RIMS1: variants seen among roughly 807,000 people sequenced by gnomAD.
RIMS1 encodes regulating synaptic membrane exocytosis protein 1.
A neutral mutation model predicts 214.1 loss-of-function variants in RIMS1; 83 were observed. The ratio of observed to expected loss-of-function variants is 0.39; its 90% CI spans 0.32 to 0.47. The LOEUF is 0.47. RIMS1 is among the 20% of genes least tolerant of loss of function. The pLI, the probability that RIMS1 is intolerant of heterozygous loss-of-function variation, is 0.99. For missense variants in RIMS1, 2,050 were observed against 2,161.8 expected (o/e 0.95, Z 1.03); for synonymous variants, 793 against 786.8 (o/e 1.01, Z -0.13).
rs558062959 is a variant in RIMS1 at position 72,347,795 on chromosome 6, C to G, written c.4366+13960C>G. 5.9e-5 allele frequency among the ~76,000 whole-genome samples: 9 copies of G among 151,994 alleles called. No individual in the cohort carries two copies. In the South Asian group the frequency reaches 1.7e-3, roughly 28 times the overall value. On this transcript the variant is annotated intron_variant, in intron 29 of 33. Coordinates refer to ENST00000521978, the MANE Select transcript of RIMS1 (RefSeq NM_014989.7). Reference sequence around the variant, plus strand: ...CAAAATCTTTCTCTTCATTCAAGCCCTACCCAAATATCAACTTCCTACCAG... The same window carrying G: ...CAAAATCTTTCTCTTCATTCAAGCCGTACCCAAATATCAACTTCCTACCAG...
intron 24 of RIMS1, among the ~76,000 whole-genome samples, chr6:72,289,180 G>A (rs186010618): frequency 4.9e-4 from 75 of 152,268 alleles, no homozygotes; most frequent in African/African-American, 1.6e-3. Context: ...TGTAATATCC[G>A]TGAAATTTCT....
chr6:71,938,813 A>G (rs1035668577), intron 1 of RIMS1, among the ~76,000 whole-genome samples: 2 of 152,086 alleles, frequency 1.3e-5, no homozygotes, highest in Non-Finnish European at 2.9e-5. Flanking sequence ...GCTTCCTTTT[A>G]TCTATACTTA....
chr6:72,347,943 C>G (rs1041992906), intron 29 of RIMS1, among the ~76,000 whole-genome samples: 2 of 151,938 alleles, frequency 1.3e-5, no homozygotes, highest in African/African-American at 4.8e-5. Context: ...AATGACCACG[C>G]AACAGGTTTT....
intron 2 of RIMS1, among the ~76,000 whole-genome samples, chr6:72,015,431 C>G (rs1476573362): frequency 3.3e-5 from 5 of 152,118 alleles, no homozygotes; most frequent in African/African-American, 1.2e-4. Flanking sequence ...TTATTTGTGG[C>G]CTGCTTAGAA....
chr6:72,164,708 A>G lies in RIMS1; in HGVS notation c.472-14867A>G, dbSNP rs539215232. ...ATATACCATAGATTATGTGGCTTGA[A>G]AAACAAACATGTCTCTCTCACAGGT... On this transcript the variant is annotated intron_variant, in intron 4 of 33. Coordinates refer to ENST00000521978, the MANE Select transcript of RIMS1 (RefSeq NM_014989.7). 4.8e-3 allele frequency among the ~76,000 whole-genome samples: 724 copies of G among 152,332 alleles called. 12 individuals carry two copies. Among genetic ancestry groups the G allele is most frequent in the African/African-American group, 0.016 (679 of 41,574 alleles).
In RIMS1 at chr6:72,123,252, G is replaced by T. The variant is rs376395022; in HGVS notation, c.471+23266G>T. On this transcript the variant is annotated intron_variant, in intron 4 of 33. Transcript: ENST00000521978. The stretch of plus-strand genomic sequence containing the variant: ...TTACCCAGTAATCATTCAGGAGCAG[G>T]TTGTTCAATTTCCATGTAGTTGAGC... 1.3e-4 allele frequency among the ~76,000 whole-genome samples: 19 copies of T among 151,924 alleles called. No homozygotes were observed. In the East Asian group the frequency reaches 2.3e-3, roughly 19 times the overall value.
chr6:72,000,846 C>T (rs1313331107), intron 2 of RIMS1, among the ~76,000 whole-genome samples: 1 of 152,126 alleles, frequency 6.6e-6, no homozygotes, highest in Non-Finnish European at 1.5e-5. Context: ...CTTCCCACAT[C>T]CTCCTCAATA....
At chr6:72,374,206 C>T (rs369457615) in intron 29 of RIMS1, among the ~76,000 whole-genome samples, 18 of 152,240 alleles carry the variant, frequency 1.2e-4, no homozygotes, top group African/African-American at 3.9e-4. Context: ...AGCCACTGCG[C>T]CTGGCCCTAA....
chr6:71,991,163 A>G (rs1801456802), intron 2 of RIMS1, among the ~76,000 whole-genome samples: 1 of 152,168 alleles, frequency 6.6e-6, no homozygotes, highest in Non-Finnish European at 1.5e-5. Context: ...TACTGAAAGG[A>G]ATATAGTAAC....
chr6:72,270,441 A>G (rs1313278560), intron 22 of RIMS1, among the ~76,000 whole-genome samples: 1 of 152,196 alleles, frequency 6.6e-6, no homozygotes, highest in Admixed American at 6.5e-5. Context: ...TGACAACATG[A>G]TGTATTTTTT....
At position 72,030,350 on chromosome 6, in the gene RIMS1, A is replaced by AC. The variant is rs1200427090; in HGVS notation, c.245+61288dup. ...TTTCCCTCTATTAGTTAATAAAGAGACTTTATCTATAATTTTAGCAGAATA... is the reference window on the plus strand; with the variant it reads ...TTTCCCTCTATTAGTTAATAAAGAGACCTTTATCTATAATTTTAGCAGAATA... On this transcript the variant is annotated intron_variant, in intron 2 of 33. Transcript: ENST00000521978. Among the ~76,000 whole-genome samples, 72 of 152,250 alleles carry AC rather than the reference A, an allele frequency of 4.7e-4. 1 individual carries two copies. The highest frequency in any genetic ancestry group is 1.7e-3 in the African/African-American group (72 of 41,560).
chr6:72,081,898 AT>A (rs2153774832), intron 2 of RIMS1, among the ~76,000 whole-genome samples: 1 of 152,344 alleles, frequency 6.6e-6, no homozygotes, highest in East Asian at 1.9e-4. Context: ...ATGTATTTTA[AT>A]TAAATGATGA....
At chr6:72,188,756 G>A (rs2049556130) in intron 6 of RIMS1, among the ~76,000 whole-genome samples, 1 of 152,180 alleles carries the variant, frequency 6.6e-6, no homozygotes, top group Non-Finnish European at 1.5e-5. Context: ...GGCTGTTGTA[G>A]TTTTCCATTT....
chr6:72,081,861 T>G (rs1833502741), intron 2 of RIMS1, among the ~76,000 whole-genome samples: 1 of 152,204 alleles, frequency 6.6e-6, no homozygotes, highest in Non-Finnish European at 1.5e-5. Context: ...ATTTAGATGA[T>G]AGTTAGGTTT....
chr6:72,219,805 T>C (rs1024605287), intron 6 of RIMS1, among the ~76,000 whole-genome samples: 34 of 150,338 alleles, frequency 2.3e-4, no homozygotes, highest in African/African-American at 7.5e-4. Context: ...TTTTATCCAC[T>C]TAATTTTTTT....
intron 23 of RIMS1, among the ~76,000 whole-genome samples, chr6:72,282,366 T>A (rs185309476): frequency 6.6e-6 from 1 of 152,190 alleles, no homozygotes; most frequent in Non-Finnish European, 1.5e-5. Context: ...ATTTCAGCCA[T>A]GAAATCAATC....
intron 29 of RIMS1, among the ~76,000 whole-genome samples, chr6:72,385,441 G>C (rs1007259719): frequency 1.3e-5 from 2 of 152,268 alleles, no homozygotes; most frequent in Admixed American, 1.3e-4. Flanking sequence ...AGCCATATGT[G>C]AATGTATACA....
At chr6:71,936,343 A>G (rs1444756244) in intron 1 of RIMS1, among the ~76,000 whole-genome samples, 4 of 150,704 alleles carry the variant, frequency 2.7e-5, no homozygotes, top group East Asian at 1.9e-4. Context: ...AAAAAAAAAA[A>G]AAAAAAAAAG....
chr6:71,886,872 T>TGCTGCTGCTGCTGCCGCC lies in RIMS1; in HGVS notation c.-149_-132dup. 1.3e-6 allele frequency: 1 copy of TGCTGCTGCTGCTGCCGCC among 763,508 alleles called. No individual in the cohort carries two copies. Among genetic ancestry groups the TGCTGCTGCTGCTGCCGCC allele is most frequent in the East Asian group, 2.7e-5 (1 of 37,468 alleles). 47.3% of individuals were successfully genotyped at this position (763,508 alleles called of 1,614,324 possible). A position where few individuals can be genotyped will look rare whatever the true frequency, so the allele number is the denominator to read the frequency against. ...GGGTTCTCGCTCTCCCCGGCTCTGC[T>TGCTGCTGCTGCTGCCGCC]GCTGCTGCTGCTGCCGCCGCCGCCG... On this transcript the variant is annotated 5_prime_UTR_variant, in exon 1 of 34. Transcript: ENST00000521978.
Sources: allele counts gnomAD v4.1 joint callset (sites outside exome capture counted in the v4.1 genomes callset), GRCh38; gene constraint gnomAD v4.1.1; transcripts MANE v1.5; gene names NCBI Gene and HGNC (gene_info 2026-07-23, HGNC 2026-07-21).